The following ENOX1 variants were observed in gnomAD, a reference collection of about 807,000 sequenced individuals.
The protein encoded by ENOX1 is ecto-NOX disulfide-thiol exchanger 1.
In ENOX1, 42 loss-of-function variants were observed where a neutral mutation model predicts 82.5. That is an observed-to-expected ratio of 0.51 (90% CI 0.40 to 0.66). ENOX1 has a LOEUF of 0.66. ENOX1 is among the 30% of genes least tolerant of loss of function. ENOX1 has a pLI of 0.00. For synonymous variants in ENOX1, 271 were observed against 282.2 expected (o/e 0.96, Z 0.40); for missense variants, 608 against 811.6 (o/e 0.75, Z 3.05).
intron 5 of ENOX1, among the ~76,000 whole-genome samples, chr13:43,374,249 C>CTT (rs532163452): frequency 2.3e-5 from 3 of 127,962 alleles, no homozygotes; most frequent in East Asian, 2.2e-4. Context: ...CTTTTCTTTT[C>CTT]TTTTTTTTTT....
chr13:43,297,632 C>T (rs2046351467), intron 12 of ENOX1, among the ~76,000 whole-genome samples: 2 of 152,104 alleles, frequency 1.3e-5, no homozygotes, highest in Non-Finnish European at 2.9e-5. Context: ...TCAGATTTTC[C>T]CCTCCTGTCG....
chr13:43,323,504 C>T (rs984274488), intron 10 of ENOX1, among the ~76,000 whole-genome samples: 1 of 152,258 alleles, frequency 6.6e-6, no homozygotes, highest in African/African-American at 2.4e-5. Flanking sequence ...TACTACTGTG[C>T]CTAAAATCTG....
In ENOX1 at chr13:43,712,140, G is replaced by A. The variant is rs867986383; in HGVS notation, c.-284-44596C>T. Among the ~76,000 whole-genome samples, 4 of 148,148 alleles carry A rather than the reference G, an allele frequency of 2.7e-5. No individual in the cohort carries two copies. In the South Asian group the frequency reaches 6.7e-4, roughly 25 times the overall value. ...GATCCAGTTTCAGCTTTCTACATACGGCTAGCCAGTTTTCCCAGCACCATT... is the reference window on the plus strand; with the variant it reads ...GATCCAGTTTCAGCTTTCTACATACAGCTAGCCAGTTTTCCCAGCACCATT... On this transcript the variant is annotated intron_variant, in intron 1 of 16. Coordinates refer to ENST00000690772, the MANE Select transcript of ENOX1 (RefSeq NM_001347969.2).
chr13:43,408,186 C>A (rs186044547), intron 5 of ENOX1, among the ~76,000 whole-genome samples: 2 of 152,274 alleles, frequency 1.3e-5, no homozygotes, highest in Admixed American at 1.3e-4. Context: ...TGCACGACAG[C>A]ACATCTGAAA....
chr13:43,669,894 G>A (rs1325331268), intron 1 of ENOX1, among the ~76,000 whole-genome samples: 2 of 152,094 alleles, frequency 1.3e-5, no homozygotes, highest in African/African-American at 4.8e-5. Context: ...GTACTTGGCT[G>A]TTGTACTGAA....
chr13:43,297,484 C>T (rs956202841), intron 12 of ENOX1, among the ~76,000 whole-genome samples: 1 of 151,666 alleles, frequency 6.6e-6, no homozygotes, highest in African/African-American at 2.4e-5. Context: ...TTTAAAAATA[C>T]CCATGATGAT....
At chr13:43,286,796 T>C (rs2045724238) in intron 12 of ENOX1, among the ~76,000 whole-genome samples, 1 of 152,250 alleles carries the variant, frequency 6.6e-6, no homozygotes, top group Non-Finnish European at 1.5e-5. Flanking sequence ...GCTGCATCTA[T>C]GTTACTTTCC....
intron 2 of ENOX1, among the ~76,000 whole-genome samples, chr13:43,630,249 A>G (rs776475176): frequency 3.9e-5 from 6 of 152,176 alleles, no homozygotes; most frequent in Non-Finnish European, 8.8e-5. Context: ...ATGTGTAAGA[A>G]CTAAGGTTGA....
chr13:43,648,982 A>G (rs2084025881), intron 2 of ENOX1, among the ~76,000 whole-genome samples: 1 of 152,210 alleles, frequency 6.6e-6, no homozygotes. Flanking sequence ...ACCCAGACAC[A>G]GTGCTAGAGC....
At position 43,465,052 on chromosome 13, in the gene ENOX1, C is replaced by A. The variant is rs549225191; in HGVS notation, c.-75+18957G>T. 2.0e-5 allele frequency among the ~76,000 whole-genome samples: 3 copies of A among 152,256 alleles called. No individual in the cohort carries two copies. The East Asian group carries it at 5.8e-4, about 29-fold the overall frequency. On this transcript the variant is annotated intron_variant, in intron 3 of 16. Transcript: ENST00000690772. ...ACATCAGGGGGCAGGCAAATGACAT[C>A]AGCCTGATTTATCATGGTGATGTTA... is the stretch of plus-strand genomic sequence containing the variant.
chr13:43,265,694 T>C (rs1484221928), intron 13 of ENOX1, among the ~76,000 whole-genome samples: 1 of 152,192 alleles, frequency 6.6e-6, no homozygotes, highest in Non-Finnish European at 1.5e-5. Context: ...ATTTTTTAAA[T>C]AATAAGATTA....
chr13:43,403,531 A>G (rs552484290), intron 5 of ENOX1, among the ~76,000 whole-genome samples: 2 of 152,300 alleles, frequency 1.3e-5, no homozygotes, highest in East Asian at 1.9e-4. Flanking sequence ...GATTTTACAC[A>G]TTCTCTTATC....
At chr13:43,571,412 C>T (rs1186893359) in intron 2 of ENOX1, among the ~76,000 whole-genome samples, 2 of 152,162 alleles carry the variant, frequency 1.3e-5, no homozygotes, top group African/African-American at 2.4e-5. Context: ...GGCGCGGTGG[C>T]TTACGCCTGT....
chr13:43,447,702 T>A (rs931874162), intron 3 of ENOX1, among the ~76,000 whole-genome samples: 1 of 152,146 alleles, frequency 6.6e-6, no homozygotes, highest in East Asian at 1.9e-4. Context: ...GCCCTTCTAA[T>A]GGAGACCTTC....
chr13:43,428,663 C>A (rs528531723), intron 3 of ENOX1, among the ~76,000 whole-genome samples: 1 of 152,266 alleles, frequency 6.6e-6, no homozygotes, highest in East Asian at 1.9e-4. Flanking sequence ...CTTACTTGTA[C>A]CAAATACACT....
At chr13:43,431,822 A>T (rs1187788893) in intron 3 of ENOX1, among the ~76,000 whole-genome samples, 7 of 152,102 alleles carry the variant, frequency 4.6e-5, no homozygotes. Context: ...GGGCTAGCCA[A>T]TCCAAGAGAG....
chr13:43,417,242 C>CGGGAGAGGGAGAGGGAGAGGGAGG (rs2054669671), intron 3 of ENOX1, among the ~76,000 whole-genome samples: 1 of 82,772 alleles, frequency 1.2e-5, no homozygotes. Flanking sequence ...AGACGGGAGA[C>CGGGAGAGGGAGAGGGAGAGGGAGG]GGGAGAGGGA....
intron 2 of ENOX1, among the ~76,000 whole-genome samples, chr13:43,649,339 C>G (rs2084044789): frequency 1.3e-5 from 2 of 152,160 alleles, no homozygotes; most frequent in African/African-American, 4.8e-5. Context: ...CAGGGCAACG[C>G]AAATTACCTT....
intron 5 of ENOX1, among the ~76,000 whole-genome samples, chr13:43,376,005 G>A (rs905400054): frequency 6.6e-6 from 1 of 152,210 alleles, no homozygotes; most frequent in Non-Finnish European, 1.5e-5. Flanking sequence ...CAGAGACAGA[G>A]TACAAGGGCT....
Sources: allele counts gnomAD v4.1 joint callset (sites outside exome capture counted in the v4.1 genomes callset), GRCh38; gene constraint gnomAD v4.1.1; transcripts MANE v1.5; gene names NCBI Gene and HGNC (gene_info 2026-07-23, HGNC 2026-07-21).